The following TFCP2 variants were observed in gnomAD, a reference collection of about 807,000 sequenced individuals.
TFCP2 encodes transcription factor CP2, also known as alpha-globin transcription factor CP2.
In TFCP2, 33 loss-of-function variants were observed where a neutral mutation model predicts 73.4. That is an observed-to-expected ratio of 0.45 (90% CI 0.34 to 0.60). The LOEUF (loss-of-function observed/expected upper bound fraction) is 0.60. TFCP2 is among the 20% of genes least tolerant of loss of function. TFCP2 has a pLI of 0.01. For synonymous variants in TFCP2, 193 were observed against 211.6 expected, an observed-to-expected ratio of 0.91 and a Z score of 0.76; for missense variants, 352 against 604.0, an observed-to-expected ratio of 0.58 and a Z score of 4.37.
chr12:51,146,762 G>A (rs1248206801), intron 1 of TFCP2, among the ~76,000 whole-genome samples: 1 of 152,116 alleles, frequency 6.6e-6, no homozygotes, highest in Non-Finnish European at 1.5e-5. Context: ...GTATTTCTGT[G>A]TTCTGAATTC....
At chr12:51,117,559 A>C (rs1940560391) in intron 3 of TFCP2, 112 bp downstream of exon 3, 1 of 772,832 alleles carries the variant, frequency 1.3e-6, no homozygotes, top group African/African-American at 1.7e-5. Flanking sequence ...TGCAGGCAAG[A>C]GATACCATTA....
chr12:51,154,260 A>C (rs980511717), intron 1 of TFCP2, among the ~76,000 whole-genome samples: 2 of 152,230 alleles, frequency 1.3e-5, no homozygotes, highest in South Asian at 2.1e-4. Flanking sequence ...TGGATGTGTG[A>C]AACCAGGGAG....
intron 1 of TFCP2, among the ~76,000 whole-genome samples, chr12:51,136,389 A>C (rs188266817): frequency 6.6e-6 from 1 of 152,196 alleles, no homozygotes; most frequent in Non-Finnish European, 1.5e-5. Flanking sequence ...CTTCACAGCA[A>C]TACCATACTA....
At chr12:51,142,203 C>CTAA (rs1941208880) in intron 1 of TFCP2, among the ~76,000 whole-genome samples, 1 of 52,742 alleles carries the variant, frequency 1.9e-5, no homozygotes, top group Non-Finnish European at 3.0e-5. Context: ...GACTCTGTCG[C>CTAA]AAAAAAAAAA....
At chr12:51,162,612 TCAAGTATA>T (rs1321857337) in intron 1 of TFCP2, among the ~76,000 whole-genome samples, 2 of 152,176 alleles carry the variant, frequency 1.3e-5, no homozygotes, top group Non-Finnish European at 2.9e-5. Flanking sequence ...TTAGCAATGT[TCAAGTATA>T]CAATATATCG....
At chr12:51,114,270 T>C (rs1053302582) in intron 4 of TFCP2, among the ~76,000 whole-genome samples, 3 of 152,160 alleles carry the variant, frequency 2.0e-5, no homozygotes, top group Non-Finnish European at 2.9e-5. Context: ...TCCAATTCGA[T>C]AGTGGGCAAA....
chr12:51,149,032 A>AAAAAAAAAAAAAAAAAAAAAAAAC (rs1941362966), intron 1 of TFCP2, among the ~76,000 whole-genome samples: 1 of 148,506 alleles, frequency 6.7e-6, no homozygotes, highest in Non-Finnish European at 1.5e-5. Flanking sequence ...CTCAAAAAAA[A>AAAAAAAAAAAAAAAAAAAAAAAAC]AAAAAAAAAC....
intron 2 of TFCP2, among the ~76,000 whole-genome samples, chr12:51,118,145 A>C (rs1015993831): frequency 1.3e-5 from 2 of 152,222 alleles, no homozygotes; most frequent in Non-Finnish European, 2.9e-5. Context: ...TAAGCAAAAG[A>C]AGCTAGTAAT....
intron 11 of TFCP2, among the ~76,000 whole-genome samples, chr12:51,101,393 G>C (rs1240244078): frequency 2.0e-5 from 3 of 152,124 alleles, no homozygotes; most frequent in Non-Finnish European, 4.4e-5. Context: ...TGCACCTGTT[G>C]TTCCTTCTGC....
At chr12:51,134,668 C>A (rs1418147588) in intron 1 of TFCP2, among the ~76,000 whole-genome samples, 1 of 152,138 alleles carries the variant, frequency 6.6e-6, no homozygotes, top group African/African-American at 2.4e-5. Flanking sequence ...CTTTTGTGCC[C>A]CTTAGAACTT....
intron 1 of TFCP2, among the ~76,000 whole-genome samples, chr12:51,164,597 G>GGA (rs1555148445): frequency 1.1e-4 from 11 of 99,362 alleles, no homozygotes; most frequent in African/African-American, 4.3e-4. Context: ...ACTCCATCTC[G>GGA]AAAAAAAAAA....
At position 51,093,667 on chromosome 12, in the gene TFCP2, T is replaced by C. The variant is rs1444400029; in HGVS notation, c.*1574A>G. The C allele has an allele frequency of 6.6e-6, 1 of 152,142 alleles. No individual in the cohort carries two copies. Among genetic ancestry groups the C allele is most frequent in the Admixed American group, 6.6e-5 (1 of 15,260 alleles). 9.4% of individuals were successfully genotyped at this position (152,142 alleles called of 1,614,324 possible). ...TTCACTAAGAAGCATTTTGGTGTAA[T>C]ATAACAAGTTGCTCAGGTCAGTTTT... On this transcript the variant is annotated 3_prime_UTR_variant, in exon 15 of 15. Transcript: ENST00000257915.
intron 1 of TFCP2, among the ~76,000 whole-genome samples, chr12:51,151,383 G>A (rs1941420673): frequency 6.6e-6 from 1 of 152,186 alleles, no homozygotes; most frequent in Admixed American, 6.6e-5. Flanking sequence ...CTTGGTGAGT[G>A]AGGAAGGGTG....
chr12:51,117,582 C>A, intron 3 of TFCP2, 89 bp downstream of exon 3: 1 of 1,046,708 alleles, frequency 9.6e-7, no homozygotes, highest in East Asian at 2.5e-5. Context: ...CCATTGGAAG[C>A]AAAAGAACAT....
chr12:51,114,004 T>C (rs1268188650), intron 4 of TFCP2, among the ~76,000 whole-genome samples: 1 of 151,792 alleles, frequency 6.6e-6, no homozygotes, highest in African/African-American at 2.4e-5. Context: ...AGAAAACATA[T>C]GGGAAAAGCT....
At chr12:51,148,253 C>T (rs1941341014) in intron 1 of TFCP2, among the ~76,000 whole-genome samples, 1 of 152,182 alleles carries the variant, frequency 6.6e-6, no homozygotes, top group South Asian at 2.1e-4. Context: ...AAAAGTTTAT[C>T]TACCATTTGA....
chr12:51,122,992 G>C (rs1940720794), intron 1 of TFCP2, among the ~76,000 whole-genome samples: 3 of 152,158 alleles, frequency 2.0e-5, no homozygotes, highest in Non-Finnish European at 1.5e-5. Flanking sequence ...TTGAAACATA[G>C]CAACAGTTCA....
Position 51,115,064 on chromosome 12 carries a change from G to GGAAAAAAAA in TFCP2, c.457+1250_457+1251insTTTTTTTTC, listed in dbSNP as rs769226415. ...CAACAAGAGCGAAACTCCATCTCAGGAAAAAAAAAAAAAGGAAAGCAACAA... is the reference window on the plus strand; with the variant it reads ...CAACAAGAGCGAAACTCCATCTCAGGGAAAAAAAAAAAAAAAAAAAAAGGAAAGCAACAA... On this transcript the variant is annotated intron_variant, in intron 4 of 14. Transcript: ENST00000257915. 1.6e-4 allele frequency among the ~76,000 whole-genome samples: 11 copies of GGAAAAAAAA among 68,056 alleles called. 1 individual carries two copies. In the South Asian group the frequency reaches 3.1e-3, roughly 19 times the overall value. The allele number at this position is 68,056 out of a possible 152,430, so 44.6% of individuals were successfully genotyped here. A position where few individuals can be genotyped will look rare whatever the true frequency, so the allele number is the denominator to read the frequency against.
chr12:51,124,176 G>A (rs1940746986), intron 1 of TFCP2, among the ~76,000 whole-genome samples: 1 of 151,612 alleles, frequency 6.6e-6, no homozygotes, highest in South Asian at 2.1e-4. Context: ...GCTCACTGCT[G>A]CCTTCAATTC....
Sources: gnomAD v4.1 joint callset for allele counts (sites outside exome capture counted in the v4.1 genomes callset) on GRCh38, gnomAD v4.1.1 for gene constraint, MANE v1.5 for transcripts, NCBI Gene and HGNC (gene_info 2026-07-23, HGNC 2026-07-21) for gene names.